Variants in PPP2R5E observed in about 807,000 individuals in gnomAD.
The protein encoded by PPP2R5E is protein phosphatase 2 regulatory subunit B'epsilon.
In PPP2R5E, 4 loss-of-function variants were observed where a neutral mutation model predicts 65.3. That is an observed-to-expected ratio of 0.06 (90% confidence interval 0.03 to 0.14). The LOEUF is 0.14. Ranked by LOEUF, PPP2R5E falls within the 10% of genes least tolerant of loss-of-function variation. The pLI, the probability that PPP2R5E is intolerant of heterozygous loss-of-function variation, is 1.00. For synonymous variants in PPP2R5E, 183 were observed against 187.4 expected, an observed-to-expected ratio of 0.98 and a Z score of 0.19; for missense variants, 274 against 556.1, an observed-to-expected ratio of 0.49 and a Z score of 5.10.
intron 2 of PPP2R5E, among the ~76,000 whole-genome samples, chr14:63,506,867 A>G (rs944816381): frequency 2.0e-5 from 3 of 152,254 alleles, no homozygotes; most frequent in African/African-American, 7.2e-5. Context: ...AGCATTATCC[A>G]TAATAGCCAA....
At chr14:63,403,010 G>C (rs1277544410) in intron 5 of PPP2R5E, among the ~76,000 whole-genome samples, 1 of 152,166 alleles carries the variant, frequency 6.6e-6, no homozygotes, top group East Asian at 1.9e-4. Flanking sequence ...TCATTATAAA[G>C]GATAAGGCAT....
At chr14:63,442,999 A>C (rs1888310144) in intron 3 of PPP2R5E, among the ~76,000 whole-genome samples, 1 of 152,210 alleles carries the variant, frequency 6.6e-6, no homozygotes, top group South Asian at 2.1e-4. Context: ...CTAAGAGTAC[A>C]TGTCGGCAGA....
intron 13 of PPP2R5E, among the ~76,000 whole-genome samples, chr14:63,379,324 T>G (rs569539919): frequency 2.0e-5 from 3 of 152,056 alleles, no homozygotes; most frequent in African/African-American, 2.4e-5. Flanking sequence ...CAGGCTGGAG[T>G]ACAATGATGC....
intron 2 of PPP2R5E, among the ~76,000 whole-genome samples, chr14:63,531,125 G>A (rs1378181011): frequency 6.6e-6 from 1 of 152,114 alleles, no homozygotes; most frequent in Non-Finnish European, 1.5e-5. Flanking sequence ...CCAAGATAGC[G>A]CCATTGCGCT....
intron 2 of PPP2R5E, among the ~76,000 whole-genome samples, chr14:63,529,230 A>T (rs1189980698): frequency 1.3e-5 from 2 of 152,096 alleles, no homozygotes; most frequent in Non-Finnish European, 2.9e-5. Context: ...AAGTGCTGGG[A>T]TTACAGGCAT....
At chr14:63,419,418 T>C (rs1384322346) in intron 4 of PPP2R5E, among the ~76,000 whole-genome samples, 1 of 152,162 alleles carries the variant, frequency 6.6e-6, no homozygotes, top group African/African-American at 2.4e-5. Context: ...TTGGATCAAC[T>C]AAAAAGTAAA....
intron 2 of PPP2R5E, among the ~76,000 whole-genome samples, chr14:63,493,284 C>T (rs1364110295): frequency 2.0e-5 from 3 of 151,854 alleles, no homozygotes; most frequent in Admixed American, 2.0e-4. Context: ...GCTGGGACTA[C>T]AGGCACTTGC....
At chr14:63,384,740 G>A (rs1884564131) in intron 11 of PPP2R5E, among the ~76,000 whole-genome samples, 169 bp from the exon 12 acceptor site, 2 of 151,786 alleles carry the variant, frequency 1.3e-5, no homozygotes, top group African/African-American at 4.8e-5. Flanking sequence ...TTTTGAGATG[G>A]GAGTCTCGCT....
At chr14:63,482,775 G>GA (rs1890778291) in intron 2 of PPP2R5E, among the ~76,000 whole-genome samples, 1 of 152,146 alleles carries the variant, frequency 6.6e-6, no homozygotes, top group Admixed American at 6.6e-5. Context: ...ACAGCCCCTA[G>GA]AAAATCTAAC....
chr14:63,423,484 C>T (rs1887153946), intron 3 of PPP2R5E, among the ~76,000 whole-genome samples: 1 of 152,044 alleles, frequency 6.6e-6, no homozygotes, highest in South Asian at 2.1e-4. Context: ...TGTTTCTTGC[C>T]CCACTCACCC....
intron 13 of PPP2R5E, among the ~76,000 whole-genome samples, chr14:63,381,468 C>T (rs1884352647): frequency 6.6e-6 from 1 of 152,090 alleles, no homozygotes; most frequent in Non-Finnish European, 1.5e-5. Flanking sequence ...CCTAAAATAC[C>T]AGTTAAATGC....
intron 2 of PPP2R5E, among the ~76,000 whole-genome samples, chr14:63,460,440 A>C (rs564926312): frequency 3.3e-5 from 5 of 152,288 alleles, no homozygotes; most frequent in African/African-American, 1.2e-4. Flanking sequence ...AACAGCAACT[A>C]ACCCCCATTA....
At chr14:63,388,265 C>A (rs929879162) in intron 11 of PPP2R5E, among the ~76,000 whole-genome samples, 2 of 152,000 alleles carry the variant, frequency 1.3e-5, no homozygotes, top group Non-Finnish European at 2.9e-5. Flanking sequence ...CTCAGCTTCC[C>A]GAGTAGTTGG....
At chr14:63,506,948 T>C (rs1396928039) in intron 2 of PPP2R5E, among the ~76,000 whole-genome samples, 3 of 152,244 alleles carry the variant, frequency 2.0e-5, no homozygotes, top group Non-Finnish European at 4.4e-5. Context: ...TGGAATATTA[T>C]TCAGCCACAA....
At chr14:63,514,972 T>C (rs549560013) in intron 2 of PPP2R5E, among the ~76,000 whole-genome samples, 20 of 152,316 alleles carry the variant, frequency 1.3e-4, no homozygotes, top group Middle Eastern at 3.4e-3. Flanking sequence ...GATTTCTGCC[T>C]AGCTCCCAAA....
chr14:63,420,742 T>C (rs1886963540), intron 4 of PPP2R5E, among the ~76,000 whole-genome samples: 1 of 152,166 alleles, frequency 6.6e-6, no homozygotes. Context: ...TGCTGCACAG[T>C]TTGTTTGCTC....
At position 63,422,014 on chromosome 14, in the gene PPP2R5E, C is replaced by T. The variant is rs563512843; in HGVS notation, c.435G>A (p.Glu145=). 1.1e-5 allele frequency: 17 copies of T among 1,612,738 alleles called. No individual in the cohort carries two copies. Among genetic ancestry groups the T allele is most frequent in the Admixed American group, 1.0e-4 (6 of 60,006 alleles). The part of the protein sequence containing the change: ...FDPEEDEPTL[E]ASWPHLQLVY... ...GTACCTGTAAGTGTGGCCACGATGC[C>T]TCAAGGGTAGGTTCATCTTCTTCTG... Residue 145 remains glutamate, a synonymous_variant, in exon 4 of 14, where the codon GAG becomes GAA. Transcript: ENST00000337537.
chr14:63,507,394 G>A (rs746292834), intron 2 of PPP2R5E, among the ~76,000 whole-genome samples: 2 of 151,834 alleles, frequency 1.3e-5, no homozygotes, highest in Non-Finnish European at 2.9e-5. Context: ...GGGCAGTGTG[G>A]GTTCCTTTTA....
intron 2 of PPP2R5E, among the ~76,000 whole-genome samples, chr14:63,503,771 T>A (rs1038573640): frequency 6.6e-6 from 1 of 152,172 alleles, no homozygotes; most frequent in South Asian, 2.1e-4. Flanking sequence ...CAGAATTGCA[T>A]GGGGGCCTTG....
Sources: allele counts gnomAD v4.1 joint callset (sites outside exome capture counted in the v4.1 genomes callset), GRCh38; gene constraint gnomAD v4.1.1; transcripts MANE v1.5; gene names NCBI Gene and HGNC (gene_info 2026-07-23, HGNC 2026-07-21).